The following DGAT2 variants were observed in gnomAD, a reference collection of about 807,000 sequenced individuals.
The protein encoded by DGAT2 is diacylglycerol O-acyltransferase 2.
Under a neutral mutation model 48.4 loss-of-function variants are expected in DGAT2, and 33 were observed. That is an observed-to-expected ratio of 0.68 (90% CI 0.52 to 0.91). The LOEUF (loss-of-function observed/expected upper bound fraction) is 0.91. Ranked by LOEUF, DGAT2 falls within the 40% of genes least tolerant of loss-of-function variation. The probability of loss-of-function intolerance (pLI) is 0.00; values close to 1 mark genes in which losing one functional copy is unlikely to be tolerated. For missense variants in DGAT2, 446 were observed against 493.7 expected, an observed-to-expected ratio of 0.90 and a Z score of 0.92; for synonymous variants, 191 against 194.1, an observed-to-expected ratio of 0.98 and a Z score of 0.13.
Position 75,769,030 on chromosome 11 carries a change from C to G in DGAT2, c.39C>G (p.Arg13=). 3 of 1,576,128 alleles carry G rather than the reference C, an allele frequency of 1.9e-6. No individual in the cohort carries two copies. The highest frequency in any genetic ancestry group is 2.6e-6 in the Non-Finnish European group (3 of 1,163,790). The stretch of plus-strand genomic sequence containing the variant: ...TAGCCGCCTACTCCGGGGTCCTGCG[C>G]GGCGAGCGTCAGGCCGAGGCTGACC... The part of the protein sequence containing the change: ...TLIAAYSGVL[R]GERQAEADRS... The change falls in exon 1 of 8, where the codon CGC becomes CGG. Residue 13 remains arginine, a synonymous_variant. Coordinates refer to ENST00000228027, the MANE Select transcript of DGAT2 (RefSeq NM_032564.5).
In DGAT2 at chr11:75,798,241, C is replaced by A; in HGVS notation, c.824C>A (p.Pro275His). ...CTCCCTTCCAGAGCTGACCTGGTTC[C>A]CATCTACTCCTTTGGAGAGAATGAA... Reference protein sequence around the residue: ...LALRHGADLVPIYSFGENEVY... With the variant: ...LALRHGADLVHIYSFGENEVY... The change falls in exon 7 of 8, where the codon CCC becomes CAC. Residue 275 changes from proline to histidine, a missense_variant. By Grantham distance (77) the Pro-to-His change is moderately conservative. Coordinates refer to ENST00000228027, the MANE Select transcript of DGAT2 (RefSeq NM_032564.5). The A allele has an allele frequency of 6.2e-7, 1 of 1,614,154 alleles. No individual in the cohort carries two copies. Among genetic ancestry groups the A allele is most frequent in the Non-Finnish European group, 8.5e-7 (1 of 1,180,014 alleles).
Position 75,790,739 on chromosome 11 carries a change from G to A in DGAT2, c.429+8G>A. 6.2e-7 allele frequency: 1 copy of A among 1,614,126 alleles called. No individual in the cohort carries two copies. Among genetic ancestry groups the A allele is most frequent in the African/African-American group, 1.3e-5 (1 of 75,046 alleles). On this transcript the variant is annotated splice_region_variant and intron_variant, in intron 4 of 7. Coordinates refer to ENST00000228027, the MANE Select transcript of DGAT2 (RefSeq NM_032564.5). ...GACTACTTTCCCATCCAGGTAAAGTGCTGTGAGTGTTGTTTTGGGAGGGTG... is the reference window on the plus strand; with the variant it reads ...GACTACTTTCCCATCCAGGTAAAGTACTGTGAGTGTTGTTTTGGGAGGGTG...
At chr11:75,781,320 A>G (rs182489306) in intron 1 of DGAT2, among the ~76,000 whole-genome samples, 33 of 152,338 alleles carry the variant, frequency 2.2e-4, no homozygotes, top group Admixed American at 1.4e-3. Context: ...TTATCTCATT[A>G]TCAGGGAATC....
Position 75,800,639 on chromosome 11 carries a change from A to C in DGAT2, c.*131A>C. On this transcript the variant is annotated 3_prime_UTR_variant, in exon 8 of 8. Coordinates refer to ENST00000228027, the MANE Select transcript of DGAT2 (RefSeq NM_032564.5). ...ATAACAATTTTGCTAAACCATTACA[A>C]TGTTAGGTCTTTTTTAAGAAGGAAA... The C allele has an allele frequency of 8.8e-7, 1 of 1,133,410 alleles. No individual in the cohort carries two copies. Among genetic ancestry groups the C allele is most frequent in the Non-Finnish European group, 1.2e-6 (1 of 818,976 alleles). 70.2% of individuals were successfully genotyped at this position (1,133,410 alleles called of 1,614,324 possible).
chr11:75,797,175 C>CATA lies in DGAT2; in HGVS notation c.652_653insATA (p.Ser217_Arg218insHis), dbSNP rs1945065471. 6.7e-7 allele frequency: 1 copy of CATA among 1,498,586 alleles called. No homozygotes were observed. Among genetic ancestry groups the CATA allele is most frequent in the African/African-American group, 1.4e-5 (1 of 70,414 alleles). The allele number at this position is 1,498,586 out of a possible 1,614,324, so 92.8% of individuals were successfully genotyped here. The stretch of plus-strand genomic sequence containing the variant: ...CCCCTCAGGTATCTGCCCTGTCAGC[C>CATA]GGGACACCATAGACTATTTGCTTTC... On this transcript the variant is annotated inframe_insertion, in exon 6 of 8. Coordinates refer to ENST00000228027, the MANE Select transcript of DGAT2 (RefSeq NM_032564.5).
At chr11:75,799,491 C>T (rs1167346264) in intron 7 of DGAT2, among the ~76,000 whole-genome samples, 1 of 152,066 alleles carries the variant, frequency 6.6e-6, no homozygotes, top group Non-Finnish European at 1.5e-5. Context: ...TCAGAAATAG[C>T]ATTGGCAGGA....
chr11:75,797,603 G>A (rs189047305), intron 6 of DGAT2, among the ~76,000 whole-genome samples: 1 of 152,330 alleles, frequency 6.6e-6, no homozygotes, highest in African/African-American at 2.4e-5. Context: ...TGGACCACCT[G>A]GGGCCAGAAT....
intron 1 of DGAT2, among the ~76,000 whole-genome samples, chr11:75,778,856 T>A (rs1004672997): frequency 3.6e-5 from 5 of 138,080 alleles, no homozygotes; most frequent in African/African-American, 5.7e-5. Flanking sequence ...AAAAAAAAAA[T>A]TTAATGTTCC....
At chr11:75,786,323 T>G (rs190336830) in intron 2 of DGAT2, among the ~76,000 whole-genome samples, 4 of 152,262 alleles carry the variant, frequency 2.6e-5, no homozygotes, top group Admixed American at 2.0e-4. Context: ...GGAGCCTTAC[T>G]TGGGGTCACA....
chr11:75,784,289 G>A (rs1391552670), intron 1 of DGAT2: 1 of 190,784 alleles, frequency 5.2e-6, no homozygotes, highest in Non-Finnish European at 1.1e-5. Context: ...GAGGGGATGG[G>A]AGAGAACTGG....
chr11:75,800,406 C>G lies in DGAT2; in HGVS notation c.1065C>G (p.Ile355Met), dbSNP rs768756525. ...PKLEHPTQQD[I>M]DLYHTMYMEA... is the part of the protein sequence containing the mutation. Reference sequence around the variant, plus strand: ...TGGAGCACCCAACCCAGCAAGACATCGACCTGTACCACACCATGTACATGG... The same window carrying G: ...TGGAGCACCCAACCCAGCAAGACATGGACCTGTACCACACCATGTACATGG... Residue 355 changes from isoleucine (I) to methionine (M), a missense_variant, in exon 8 of 8, where the codon ATC becomes ATG. By Grantham distance (10) the Ile-to-Met change is conservative. Coordinates refer to ENST00000228027, the MANE Select transcript of DGAT2 (RefSeq NM_032564.5). 17 of 1,614,060 alleles carry G rather than the reference C, an allele frequency of 1.1e-5. No homozygotes were observed. Among genetic ancestry groups the G allele is most frequent in the Non-Finnish European group, 1.4e-5 (17 of 1,180,038 alleles).
chr11:75,800,247 C>A, intron 7 of DGAT2, 107 bp from the exon 8 acceptor site: 2 of 1,342,556 alleles, frequency 1.5e-6, no homozygotes, highest in Admixed American at 2.5e-5. Flanking sequence ...TGGCACAGTT[C>A]CTTCCACATG....
chr11:75,775,728 C>A (rs1032223600), intron 1 of DGAT2, among the ~76,000 whole-genome samples: 1 of 152,232 alleles, frequency 6.6e-6, no homozygotes, highest in Non-Finnish European at 1.5e-5. Context: ...ATTCCTCAAA[C>A]TTGTCTTCTC....
At chr11:75,783,917 C>G (rs1049035680) in intron 1 of DGAT2, among the ~76,000 whole-genome samples, 1 of 152,170 alleles carries the variant, frequency 6.6e-6, no homozygotes, top group African/African-American at 2.4e-5. Context: ...CTTCAGGCTG[C>G]CTGAAGCTCA....
chr11:75,772,973 G>C (rs1215804948), intron 1 of DGAT2, among the ~76,000 whole-genome samples: 1 of 152,236 alleles, frequency 6.6e-6, no homozygotes, highest in East Asian at 1.9e-4. Context: ...GTGGGTAACA[G>C]AGCGAGACTC....
intron 6 of DGAT2, among the ~76,000 whole-genome samples, chr11:75,797,857 C>T (rs1945073118): frequency 6.6e-6 from 1 of 152,134 alleles, no homozygotes; most frequent in Non-Finnish European, 1.5e-5. Context: ...ACACAGTGTG[C>T]TGAGACTGTG....
At chr11:75,782,575 A>T (rs151278242) in intron 1 of DGAT2, among the ~76,000 whole-genome samples, 96 of 152,318 alleles carry the variant, frequency 6.3e-4, no homozygotes, top group Non-Finnish European at 1.2e-3. Context: ...CCCTTGGATC[A>T]AGGGTTCAAG....
intron 4 of DGAT2, among the ~76,000 whole-genome samples, chr11:75,791,381 C>G (rs185644306): frequency 7.2e-5 from 11 of 152,240 alleles, no homozygotes; most frequent in Non-Finnish European, 1.3e-4. Flanking sequence ...TAAGCCCAGT[C>G]TTCCCGGGAC....
At chr11:75,779,542 A>C (rs777124278) in intron 1 of DGAT2, among the ~76,000 whole-genome samples, 10 of 152,142 alleles carry the variant, frequency 6.6e-5, no homozygotes, top group African/African-American at 1.2e-4. Flanking sequence ...GTGAAGCCCC[A>C]CATAGGCGCA....
Sources: gnomAD v4.1 joint callset for allele counts (sites outside exome capture counted in the v4.1 genomes callset) on GRCh38, gnomAD v4.1.1 for gene constraint, MANE v1.5 for transcripts, NCBI Gene and HGNC (gene_info 2026-07-23, HGNC 2026-07-21) for gene names.